RIPOR2: variants seen among roughly 807,000 people sequenced by gnomAD.
RIPOR2 encodes rho family-interacting cell polarization regulator 2.
A neutral mutation model predicts 114.5 loss-of-function variants in RIPOR2; 39 were observed. The ratio of observed to expected loss-of-function variants is 0.34; its 90% CI spans 0.26 to 0.44. The LOEUF is 0.44. RIPOR2 is among the 20% of genes least tolerant of loss of function. The pLI is 1.00. For synonymous variants in RIPOR2, 445 were observed against 484.4 expected, an observed-to-expected ratio of 0.92 and a Z score of 1.07; for missense variants, 1,007 against 1,255.1, an observed-to-expected ratio of 0.80 and a Z score of 2.99.
At chr6:24,986,771 T>C (rs950527318) in intron 1 of RIPOR2, among the ~76,000 whole-genome samples, 1 of 152,158 alleles carries the variant, frequency 6.6e-6, no homozygotes, top group Admixed American at 6.5e-5. Context: ...GTTGAGAAGA[T>C]TAAATTGTTC....
chr6:24,878,085 G>C (rs1012915027), intron 1 of RIPOR2, among the ~76,000 whole-genome samples: 7 of 152,180 alleles, frequency 4.6e-5, no homozygotes, highest in African/African-American at 1.4e-4. Context: ...TAGGAGCAAG[G>C]AGACGAAGAG....
Position 24,897,669 on chromosome 6 carries a change from C to T in RIPOR2, c.62-21852G>A, listed in dbSNP as rs546397471. Among the ~76,000 whole-genome samples the T allele has an allele frequency of 3.9e-5, 6 of 152,280 alleles. No individual in the cohort carries two copies. In the South Asian group the frequency reaches 8.3e-4, roughly 21 times the overall value. On this transcript the variant is annotated intron_variant, in intron 1 of 21. Transcript: ENST00000643898. ...TTACATATTTCCTGAGAGTTGGCTC[C>T]GAGGCAATTTCATGCCATCATACCT...
Position 24,865,426 on chromosome 6 carries a change from A to G in RIPOR2, c.526T>C (p.Cys176Arg), listed in dbSNP as rs769578374. The G allele has an allele frequency of 1.9e-6, 3 of 1,613,098 alleles. No homozygotes were observed. Among genetic ancestry groups the G allele is most frequent in the South Asian group, 1.1e-5 (1 of 90,894 alleles). ...CCATCCTGGAGGCGTCGCTGGATAC[A>G]ATAAGCTTCATAGAGTTCATCTACC... Reference protein sequence around the residue: ...SKVDELYEAYCIQRRLQDGAS... With the variant: ...SKVDELYEAYRIQRRLQDGAS... The change falls in exon 7 of 22, where the codon TGT (cysteine) becomes CGT (arginine). Residue 176 changes from cysteine (C) to arginine (R), a missense_variant. By Grantham distance (180) the Cys-to-Arg change is radical. Coordinates refer to ENST00000643898, the MANE Select transcript of RIPOR2 (RefSeq NM_001286445.3).
At chr6:24,862,016 G>T (rs1434031023) in intron 7 of RIPOR2, among the ~76,000 whole-genome samples, 1 of 152,216 alleles carries the variant, frequency 6.6e-6, no homozygotes, top group Non-Finnish European at 1.5e-5. Context: ...TTATTTTTGG[G>T]TCTGACAAGG....
At chr6:24,951,060 A>G (rs1772725141) in intron 1 of RIPOR2, among the ~76,000 whole-genome samples, 1 of 152,184 alleles carries the variant, frequency 6.6e-6, no homozygotes, top group South Asian at 2.1e-4. Context: ...CAATGACTTC[A>G]TTGATTTCCA....
chr6:24,942,614 G>A (rs1379330662), intron 1 of RIPOR2, among the ~76,000 whole-genome samples: 1 of 152,188 alleles, frequency 6.6e-6, no homozygotes, highest in Non-Finnish European at 1.5e-5. Context: ...TCTGACTGGT[G>A]TGAGATGGTA....
At chr6:25,034,069 T>C (rs1021581789) in intron 1 of RIPOR2, among the ~76,000 whole-genome samples, 6 of 147,870 alleles carry the variant, frequency 4.1e-5, no homozygotes, top group African/African-American at 1.3e-4. Context: ...TGGTAACGTT[T>C]TAAAACAAAC....
intron 1 of RIPOR2, among the ~76,000 whole-genome samples, chr6:24,960,014 G>T (rs1425982132): frequency 6.6e-6 from 1 of 152,148 alleles, no homozygotes; most frequent in Non-Finnish European, 1.5e-5. Flanking sequence ...CCTTCTCTAA[G>T]TCTAAACGTG....
chr6:24,850,642 T>A lies in RIPOR2; in HGVS notation c.840A>T (p.Glu280Asp). The A allele has an allele frequency of 6.2e-7, 1 of 1,613,948 alleles. No individual in the cohort carries two copies. Among genetic ancestry groups the A allele is most frequent in the Non-Finnish European group, 8.5e-7 (1 of 1,179,852 alleles). ...EVNGKQSWDG[E>D]ETVFLPLIVG... The stretch of plus-strand genomic sequence containing the variant: ...CTATCAGGGGCAGAAAAACTGTTTC[T>A]TCTCCATCCCAGCTCTGCTTGCCAT... Residue 280 changes from glutamate to aspartate, a missense_variant, in exon 10 of 22, where the codon GAA becomes GAT. By Grantham distance (45) the Glu-to-Asp change is conservative (BLOSUM62 2). Coordinates refer to ENST00000643898, the MANE Select transcript of RIPOR2 (RefSeq NM_001286445.3).
chr6:24,875,697 C>T lies in RIPOR2; in HGVS notation c.182G>A (p.Arg61Gln), dbSNP rs1383852638. 5 of 1,612,502 alleles carry T rather than the reference C, an allele frequency of 3.1e-6. No homozygotes were observed. The highest frequency in any genetic ancestry group is 2.7e-5 in the African/African-American group (2 of 74,884). ...FAGFSGLQER[R>Q]SRCNSFIENS... ...AGAACCACACAGTACTTGCCTGGAT[C>T]GCCTTTCCTGGAGGCCGCTGAAACC... is the stretch of plus-strand genomic sequence containing the variant. The change falls in exon 2 of 22, where the codon CGA (arginine) becomes CAA (glutamine). Residue 61 changes from arginine to glutamine, a missense_variant. Transcript: ENST00000643898.
chr6:25,035,501 AAT>A (rs1777198662), intron 1 of RIPOR2, among the ~76,000 whole-genome samples: 3 of 152,154 alleles, frequency 2.0e-5, no homozygotes, highest in Non-Finnish European at 2.9e-5. Context: ...CAAGAGACCA[AAT>A]CAGCAGGTTG....
intron 1 of RIPOR2, among the ~76,000 whole-genome samples, chr6:24,954,438 A>G (rs900407881): frequency 7.1e-6 from 1 of 140,520 alleles, no homozygotes; most frequent in Non-Finnish European, 1.5e-5. Context: ...TGAACTGTGC[A>G]GGCCCAGTCT....
At chr6:24,853,157 T>C in intron 8 of RIPOR2, among the ~76,000 whole-genome samples, 1 of 152,204 alleles carries the variant, frequency 6.6e-6, no homozygotes, top group East Asian at 1.9e-4. Flanking sequence ...ATAAAATCCC[T>C]GAAAATGGAT....
rs1369619813 is a variant in RIPOR2 at position 24,844,756 on chromosome 6, C to T, written c.1165-1202G>A. ...CCTCCCAAAGTGCTGGGATTACAGG[C>T]GTGAGCCACCGCGCCTGGCCCAAAA... is the stretch of plus-strand genomic sequence containing the variant. On this transcript the variant is annotated intron_variant, in intron 12 of 21. Transcript: ENST00000643898. 2.6e-5 allele frequency among the ~76,000 whole-genome samples: 4 copies of T among 152,198 alleles called. No individual in the cohort carries two copies. The South Asian group carries it at 6.2e-4, about 24-fold the overall frequency.
At chr6:25,026,153 C>T (rs1256941215) in intron 1 of RIPOR2, among the ~76,000 whole-genome samples, 1 of 151,272 alleles carries the variant, frequency 6.6e-6, no homozygotes, top group Non-Finnish European at 1.5e-5. Flanking sequence ...CTAGAATGAA[C>T]AAAACCACTA....
At chr6:25,029,153 T>C (rs1419628358) in intron 1 of RIPOR2, among the ~76,000 whole-genome samples, 2 of 152,046 alleles carry the variant, frequency 1.3e-5, no homozygotes, top group East Asian at 3.9e-4. Flanking sequence ...CCGGGCATGG[T>C]GGCGCGCATC....
chr6:24,923,580 C>T (rs1407399257), intron 1 of RIPOR2, among the ~76,000 whole-genome samples: 3 of 152,134 alleles, frequency 2.0e-5, no homozygotes, highest in South Asian at 2.1e-4. Context: ...CGCGGCGGCT[C>T]ACTCCTGTAA....
chr6:24,852,612 G>T lies in RIPOR2; in HGVS notation c.722C>A (p.Ala241Asp), dbSNP rs1200698489. Residue 241 changes from alanine to aspartate, a missense_variant, in exon 9 of 22, where the codon GCT (alanine) becomes GAT (aspartate). By Grantham distance (126) the Ala-to-Asp change is moderately radical. Coordinates refer to ENST00000643898, the MANE Select transcript of RIPOR2 (RefSeq NM_001286445.3). ...TCCAGGACAGAGGCGTGCAAAGCCA[G>T]CCAGACCTGTAACCAAGAAATTGGA... ...GEFSIKMKGL[A>D]GFARLCPGDQ... 3.1e-6 allele frequency: 5 copies of T among 1,590,882 alleles called. No individual in the cohort carries two copies. The Admixed American group carries it at 9.4e-5, about 30-fold the overall frequency.
chr6:25,016,306 C>G, intron 1 of RIPOR2, among the ~76,000 whole-genome samples: 1 of 152,128 alleles, frequency 6.6e-6, no homozygotes, highest in East Asian at 1.9e-4. Context: ...ATGGAATAAG[C>G]CCACAATGTT....
Sources: allele counts gnomAD v4.1 joint callset (sites outside exome capture counted in the v4.1 genomes callset), GRCh38; gene constraint gnomAD v4.1.1; transcripts MANE v1.5; gene names NCBI Gene and HGNC (gene_info 2026-07-23, HGNC 2026-07-21).